The following CEP128 variants were observed in gnomAD, a reference collection of about 807,000 sequenced individuals.
CEP128 encodes centrosomal protein 128kDa.
Under a neutral mutation model 156.7 loss-of-function variants are expected in CEP128, and 132 were observed. The observed-to-expected ratio is 0.84, with a 90% CI of 0.73 to 0.97. The LOEUF (loss-of-function observed/expected upper bound fraction) is 0.97. Among genes scored for constraint, CEP128 ranks in the 50% least tolerant of loss-of-function variants. The pLI is 0.00. For synonymous variants in CEP128, 469 were observed against 448.9 expected (o/e 1.04, Z -0.57); for missense variants, 1,252 against 1,281.9 (o/e 0.98, Z 0.36).
chr14:80,671,587 T>G (rs1462363504), intron 19 of CEP128, among the ~76,000 whole-genome samples: 1 of 152,154 alleles, frequency 6.6e-6, no homozygotes, highest in Non-Finnish European at 1.5e-5. Context: ...TAAAATCTCT[T>G]TTCTCTGTCA....
upstream of CEP128, among the ~76,000 whole-genome samples, chr14:80,946,596 T>C (rs529246571): frequency 2.0e-5 from 3 of 152,224 alleles, no homozygotes; most frequent in South Asian, 6.2e-4. Flanking sequence ...GGTTCTGGAA[T>C]GGGGCTAGTC....
At chr14:80,709,357 C>T (rs188193568) in intron 19 of CEP128, among the ~76,000 whole-genome samples, 10 of 152,060 alleles carry the variant, frequency 6.6e-5, no homozygotes, top group South Asian at 2.1e-4. Flanking sequence ...AGGCTGGTCT[C>T]GAACTCCTGA....
At chr14:80,840,551 T>C (rs77164351) in intron 10 of CEP128, 131 bp downstream of exon 10, 64 of 566,930 alleles carry the variant, frequency 1.1e-4, no homozygotes, top group Non-Finnish European at 1.9e-4. Context: ...GTTGAACCAA[T>C]TGACTCCACA....
intron 19 of CEP128, among the ~76,000 whole-genome samples, chr14:80,733,552 T>G (rs551236086): frequency 1.3e-5 from 2 of 152,210 alleles, no homozygotes; most frequent in African/African-American, 4.8e-5. Context: ...AATGGGAGAA[T>G]GTAATCTTTT....
rs1566663638 is a variant in CEP128, at chr14:80,840,687, TC to T, written c.843del (p.Asn282IlefsTer14). ...GATAACTTTTAAAATCTTACTTGAT[TC>T]TTCTCAGTTTCAGTTTGTCTTAGCT... Reference protein sequence around the residue: ...KNKLRQTETEKNQLEQELELS... With the variant: ...KNKLRQTETEXNQLEQELELS... On this transcript the variant is annotated frameshift_variant, in exon 10 of 25. Coordinates refer to ENST00000555265, the MANE Select transcript of CEP128 (RefSeq NM_152446.5). LOFTEE classifies it high-confidence loss of function. 6.3e-7 allele frequency: 1 copy of T among 1,591,734 alleles called. No homozygotes were observed. Among genetic ancestry groups the T allele is most frequent in the Non-Finnish European group, 8.6e-7 (1 of 1,160,950 alleles).
chr14:80,910,870 T>TA (rs1352534174), intron 4 of CEP128, among the ~76,000 whole-genome samples: 10 of 152,210 alleles, frequency 6.6e-5, no homozygotes, highest in African/African-American at 9.6e-5. Context: ...ACTCAAGGGG[T>TA]AAAAAAAGTC....
intron 19 of CEP128, among the ~76,000 whole-genome samples, chr14:80,669,625 C>G (rs762503868): frequency 6.6e-6 from 1 of 152,118 alleles, no homozygotes; most frequent in Non-Finnish European, 1.5e-5. Flanking sequence ...TACCATCTTA[C>G]AGTAGTCAGT....
intron 13 of CEP128, among the ~76,000 whole-genome samples, chr14:80,829,338 A>T (rs1045725647): frequency 6.6e-6 from 1 of 152,230 alleles, no homozygotes; most frequent in Non-Finnish European, 1.5e-5. Context: ...GGAAAAAAAA[A>T]TTTCATTCTC....
chr14:80,540,742 G>C (rs928405441), intron 21 of CEP128, among the ~76,000 whole-genome samples: 1 of 152,122 alleles, frequency 6.6e-6, no homozygotes. Context: ...TGTGTGAGGG[G>C]AAGATGGGCA....
intron 19 of CEP128, among the ~76,000 whole-genome samples, chr14:80,666,724 C>CAAAAAAAAAAAAAAAAAAAAAAAGAAA (rs78322396): frequency 9.7e-6 from 1 of 103,470 alleles, no homozygotes; most frequent in Non-Finnish European, 2.1e-5. Flanking sequence ...AAGAGAGAGA[C>CAAAAAAAAAAAAAAAAAAAAAAAGAAA]AAAAAAAAAA....
intron 20 of CEP128, among the ~76,000 whole-genome samples, chr14:80,570,229 T>G (rs1233242008): frequency 2.0e-5 from 3 of 152,136 alleles, no homozygotes; most frequent in African/African-American, 7.2e-5. Context: ...GTGATTCCCC[T>G]GCCTCAGCCT....
chr14:80,676,412 T>G (rs1896062165), intron 19 of CEP128, among the ~76,000 whole-genome samples: 1 of 151,718 alleles, frequency 6.6e-6, no homozygotes, highest in African/African-American at 2.4e-5. Flanking sequence ...ATTCAGAAAC[T>G]TGCTGACTTT....
intron 19 of CEP128, among the ~76,000 whole-genome samples, chr14:80,719,343 T>G (rs886629832): frequency 6.6e-6 from 1 of 152,182 alleles, no homozygotes; most frequent in Non-Finnish European, 1.5e-5. Context: ...CCCCAAGCAG[T>G]ACCATTTAAT....
intron 2 of CEP128, among the ~76,000 whole-genome samples, chr14:80,928,600 AAAG>A (rs1364378145): frequency 6.6e-6 from 1 of 152,164 alleles, no homozygotes; most frequent in Non-Finnish European, 1.5e-5. Flanking sequence ...AAAAATAAAG[AAAG>A]AAGAATGAAT....
chr14:80,823,616 A>AG (rs1885311404), intron 13 of CEP128, among the ~76,000 whole-genome samples: 1 of 135,528 alleles, frequency 7.4e-6, no homozygotes, highest in Non-Finnish European at 1.7e-5. Context: ...GGAAAAAAAA[A>AG]AAAACTCCAA....
chr14:80,795,416 CCAAA>C (rs1883406011), intron 13 of CEP128, among the ~76,000 whole-genome samples: 1 of 152,164 alleles, frequency 6.6e-6, no homozygotes, highest in African/African-American at 2.4e-5. Flanking sequence ...GCTCTCTAAC[CCAAA>C]CACTGTATTT....
Position 80,916,482 on chromosome 14 carries a change from G to A in CEP128, c.66C>T (p.Ala22=), listed in dbSNP as rs751442971. ...TTCGAGTTCCCCTGTGCGTTGATCT[G>A]GCAGCCCATGGACTCAATCGGTCAC... ...RCRDRLSPWA[A]RSTHRGTRSL... is the part of the protein sequence containing the mutation. Residue 22 remains alanine, a synonymous_variant, in exon 3 of 25, where the codon GCC becomes GCT. Coordinates refer to ENST00000555265, the MANE Select transcript of CEP128 (RefSeq NM_152446.5). 6.2e-7 allele frequency: 1 copy of A among 1,613,896 alleles called. No individual in the cohort carries two copies. The highest frequency in any genetic ancestry group is 1.1e-5 in the South Asian group (1 of 91,058).
intron 21 of CEP128, among the ~76,000 whole-genome samples, chr14:80,540,606 G>A (rs1261745509): frequency 6.6e-6 from 1 of 152,158 alleles, no homozygotes; most frequent in Non-Finnish European, 1.5e-5. Context: ...GGTCTTTTGA[G>A]GGTTTGAGCA....
At chr14:80,953,360 C>A (rs1208791788) in intron 2 of CEP128, among the ~76,000 whole-genome samples, 1 of 152,084 alleles carries the variant, frequency 6.6e-6, no homozygotes, top group Non-Finnish European at 1.5e-5. Context: ...CTGGGGCGGG[C>A]GGATCACGAG....
Sources: allele counts gnomAD v4.1 joint callset (sites outside exome capture counted in the v4.1 genomes callset), GRCh38; gene constraint gnomAD v4.1.1; transcripts MANE v1.5; gene names NCBI Gene and HGNC (gene_info 2026-07-23, HGNC 2026-07-21).